DRICH1: variants seen among roughly 807,000 people sequenced by gnomAD.
DRICH1 encodes aspartate rich 1, also known as aspartate-rich protein 1.
Under a neutral mutation model 39.5 loss-of-function variants are expected in DRICH1, and 38 were observed. The ratio of observed to expected loss-of-function variants is 0.96; its 90% CI spans 0.74 to 1.26. The LOEUF (loss-of-function observed/expected upper bound fraction) is 1.26, where lower values mean the gene tolerates loss of function less well. Ranked by LOEUF, DRICH1 falls within the 50% of genes most tolerant of loss-of-function variation. The pLI, the probability that DRICH1 is intolerant of heterozygous loss-of-function variation, is 0.00. For missense variants in DRICH1, 279 were observed against 270.4 expected, an observed-to-expected ratio of 1.03 and a Z score of -0.22; for synonymous variants, 84 against 99.5, an observed-to-expected ratio of 0.84 and a Z score of 0.93.
Position 23,608,769 on chromosome 22 carries a change from C to G in DRICH1, c.686-1G>C, listed in dbSNP as rs775698267. On this transcript the variant is annotated splice_acceptor_variant, in intron 11 of 11. Coordinates refer to ENST00000317749, the MANE Select transcript of DRICH1 (RefSeq NM_016449.4). LOFTEE classifies it high-confidence loss of function. Reference sequence around the variant, plus strand: ...GTCAGCTCCACAGAAGGGCTTCACCCTGGATGAAGAGATAATCCCTTTTTA... The same window carrying G: ...GTCAGCTCCACAGAAGGGCTTCACCGTGGATGAAGAGATAATCCCTTTTTA... 5 of 1,560,518 alleles carry G rather than the reference C, an allele frequency of 3.2e-6. No individual in the cohort carries two copies. The African/African-American group carries it at 6.8e-5, about 21-fold the overall frequency.
the DRICH1 span, among the ~76,000 whole-genome samples, chr22:23,588,020 A>G: frequency 6.6e-6 from 1 of 152,134 alleles, no homozygotes; most frequent in Non-Finnish European, 1.5e-5. Flanking sequence ...CCACTTGCCC[A>G]TGCTATATTC....
chr22:23,624,350 G>T, intron 3 of DRICH1: 1 of 984,694 alleles, frequency 1.0e-6, no homozygotes, highest in South Asian at 4.7e-5. Flanking sequence ...AAGAAGAAAT[G>T]ATCAAAAACA....
At chr22:23,613,469 C>G in intron 10 of DRICH1, 139 bp from the exon 11 acceptor site, 1 of 937,982 alleles carries the variant, frequency 1.1e-6, no homozygotes, top group Non-Finnish European at 1.7e-6. Context: ...AATCTTTCTT[C>G]TGGGTCGACA....
chr22:23,596,754 A>G, the DRICH1 span, among the ~76,000 whole-genome samples: 21,177 of 152,208 alleles, frequency 0.14, 1,580 homozygotes, highest in Middle Eastern at 0.19. Context: ...GTGCTTTTAA[A>G]TCAATGAGAT....
At chr22:23,588,219 C>T in the DRICH1 span, among the ~76,000 whole-genome samples, 2 of 152,318 alleles carry the variant, frequency 1.3e-5, no homozygotes, top group South Asian at 4.1e-4. Flanking sequence ...CTCCGCCTCC[C>T]AGGTTCAAGC....
chr22:23,632,201 G>T lies in DRICH1; in HGVS notation c.-178C>A. On this transcript the variant is annotated 5_prime_UTR_variant, in exon 1 of 12. Transcript: ENST00000317749. ...ACCTCCCAAACTAGCTGGTCTATGA[G>T]GTCAGGGACCTGCTGTCTTCTTTGA... 2.0e-6 allele frequency: 2 copies of T among 1,013,450 alleles called. No homozygotes were observed. Among genetic ancestry groups the T allele is most frequent in the Non-Finnish European group, 2.8e-6 (2 of 710,054 alleles). 62.8% of individuals were successfully genotyped at this position (1,013,450 alleles called of 1,614,324 possible). A position where few individuals can be genotyped will look rare whatever the true frequency, so the allele number is the denominator to read the frequency against.
intron 1 of DRICH1, among the ~76,000 whole-genome samples, chr22:23,627,976 GAC>G (rs961117315): frequency 2.6e-5 from 4 of 152,216 alleles, no homozygotes; most frequent in South Asian, 2.1e-4. Context: ...TAATGAGGAA[GAC>G]ACAGTCACTG....
intron 6 of DRICH1, 131 bp downstream of exon 6, chr22:23,619,233 T>C: frequency 1.7e-6 from 1 of 591,382 alleles, no homozygotes; most frequent in South Asian, 1.8e-5. Flanking sequence ...TAAATCTAAC[T>C]AATCAGCTGT....
rs1290515220 is a variant in DRICH1 at position 23,608,695 on chromosome 22, C to G, written c.*69G>C. On this transcript the variant is annotated 3_prime_UTR_variant, in exon 12 of 12. Coordinates refer to ENST00000317749, the MANE Select transcript of DRICH1 (RefSeq NM_016449.4). ...AGGATTGAGACCTCCAGGGGCAAAG[C>G]TGGGGACCCTGCAGCACGCGCTGGC... 6.6e-6 allele frequency: 10 copies of G among 1,505,328 alleles called. 1 individual carries two copies. The highest frequency in any genetic ancestry group is 8.1e-6 in the Non-Finnish European group (9 of 1,106,114). 93.2% of individuals were successfully genotyped at this position (1,505,328 alleles called of 1,614,324 possible).
chr22:23,596,021 C>T, the DRICH1 span, among the ~76,000 whole-genome samples: 1 of 152,228 alleles, frequency 6.6e-6, no homozygotes, highest in African/African-American at 2.4e-5. Context: ...CCTGTCTTCT[C>T]ACCGGAGCTC....
the DRICH1 span, among the ~76,000 whole-genome samples, chr22:23,591,923 G>C: frequency 6.6e-6 from 1 of 152,076 alleles, no homozygotes; most frequent in Non-Finnish European, 1.5e-5. Context: ...TACAGCACAG[G>C]GCTGGGGGAG....
At chr22:23,630,242 C>T (rs1448193441) in intron 1 of DRICH1, among the ~76,000 whole-genome samples, 1 of 152,206 alleles carries the variant, frequency 6.6e-6, no homozygotes, top group African/African-American at 2.4e-5. Context: ...CATCCACTAC[C>T]ACTACCAGGG....
intron 2 of DRICH1, 102 bp from the exon 3 acceptor site, chr22:23,625,006 G>T: frequency 2.3e-6 from 3 of 1,325,744 alleles, no homozygotes; most frequent in Non-Finnish European, 3.2e-6. Flanking sequence ...AACTACTTTT[G>T]AAACAGTGGT....
chr22:23,585,563 G>C, the DRICH1 span, among the ~76,000 whole-genome samples: 4 of 152,064 alleles, frequency 2.6e-5, no homozygotes, highest in Non-Finnish European at 4.4e-5. Context: ...TGTCACCCAG[G>C]CTGGAGTGCA....
At chr22:23,601,914 C>T in the DRICH1 span, among the ~76,000 whole-genome samples, 5 of 152,224 alleles carry the variant, frequency 3.3e-5, no homozygotes, top group Admixed American at 6.5e-5. Flanking sequence ...GTAAAAGGAA[C>T]GTAAGGGCTG....
chr22:23,602,542 G>A, the DRICH1 span, among the ~76,000 whole-genome samples: 14 of 152,316 alleles, frequency 9.2e-5, no homozygotes, highest in South Asian at 2.7e-3. Flanking sequence ...AAAATTACCC[G>A]GGTGTGGTGA....
the DRICH1 span, chr22:23,581,069 G>A: frequency 2.0e-5 from 3 of 152,126 alleles, no homozygotes; most frequent in Non-Finnish European, 2.9e-5. Context: ...TGACACACAC[G>A]TCCGTCATCT....
chr22:23,593,785 A>G, the DRICH1 span, among the ~76,000 whole-genome samples: 1 of 151,816 alleles, frequency 6.6e-6, no homozygotes, highest in African/African-American at 2.4e-5. Context: ...ACAGAGCAAG[A>G]CTCCATCTCA....
intron 11 of DRICH1, among the ~76,000 whole-genome samples, chr22:23,611,688 G>T (rs1417952813): frequency 6.6e-6 from 1 of 152,028 alleles, no homozygotes; most frequent in East Asian, 1.9e-4. Flanking sequence ...ATGACATTTT[G>T]GTCAATGACA....
Sources: allele counts gnomAD v4.1 joint callset (sites outside exome capture counted in the v4.1 genomes callset), GRCh38; gene constraint gnomAD v4.1.1; transcripts MANE v1.5; gene names NCBI Gene and HGNC (gene_info 2026-07-23, HGNC 2026-07-21).